The following SUCLG2 variants were observed in gnomAD, a reference collection of about 807,000 sequenced individuals.
SUCLG2 encodes succinate-CoA ligase GDP-forming subunit beta, also known as succinate--CoA ligase [GDP-forming] subunit beta, mitochondrial.
A neutral mutation model predicts 47.9 loss-of-function variants in SUCLG2; 42 were observed. The ratio of observed to expected loss-of-function variants is 0.88; its 90% CI spans 0.69 to 1.14. The LOEUF (loss-of-function observed/expected upper bound fraction) is 1.14, where lower values mean the gene tolerates loss of function less well. SUCLG2 is among the 50% of genes most tolerant of loss of function. The pLI is 0.00. For synonymous variants in SUCLG2, 195 were observed against 197.3 expected, an observed-to-expected ratio of 0.99 and a Z score of 0.10; for missense variants, 571 against 525.9, an observed-to-expected ratio of 1.09 and a Z score of -0.84.
At chr3:67,529,207 G>A (rs924650285) in intron 2 of SUCLG2, 21 bp from the exon 3 acceptor site, 3 of 1,574,304 alleles carry the variant, frequency 1.9e-6, no homozygotes, top group African/African-American at 1.4e-5. Flanking sequence ...AAAATCCAGA[G>A]TTGGTAGCTG....
intron 10 of SUCLG2, 130 bp downstream of exon 10, chr3:67,400,601 T>A: frequency 1.5e-6 from 2 of 1,310,686 alleles, no homozygotes; most frequent in African/African-American, 1.5e-5. Context: ...CCTGCCGTAC[T>A]GTGTTTGTTT....
chr3:67,542,618 A>G (rs764859509), intron 2 of SUCLG2, among the ~76,000 whole-genome samples: 30 of 152,180 alleles, frequency 2.0e-4, no homozygotes, highest in Non-Finnish European at 4.4e-4. Context: ...AAATAAAGGG[A>G]TGGAGGAATA....
At chr3:67,520,363 TCTTAC>T in intron 5 of SUCLG2, 114 bp downstream of exon 5, 1 of 1,446,374 alleles carries the variant, frequency 6.9e-7, no homozygotes, top group Non-Finnish European at 9.6e-7. Context: ...CTCAGCATCT[TCTTAC>T]CTTAAATTGT....
At chr3:67,421,085 C>T (rs1464520274) in intron 9 of SUCLG2, among the ~76,000 whole-genome samples, 1 of 152,176 alleles carries the variant, frequency 6.6e-6, no homozygotes, top group African/African-American at 2.4e-5. Context: ...CACTGGAGAT[C>T]ACAGAGGTTA....
At chr3:67,492,121 C>A (rs914232075) in intron 9 of SUCLG2, among the ~76,000 whole-genome samples, 10 of 152,160 alleles carry the variant, frequency 6.6e-5, no homozygotes, top group Admixed American at 5.9e-4. Context: ...GGATCTAAAC[C>A]AGGAAGTACA....
Position 67,616,850 on chromosome 3 carries a change from C to A in SUCLG2, c.85-7254G>T, listed in dbSNP as rs532340427. 3.3e-5 allele frequency among the ~76,000 whole-genome samples: 5 copies of A among 152,250 alleles called. 1 individual carries two copies. Among genetic ancestry groups the A allele is most frequent in the African/African-American group, 1.2e-4 (5 of 41,550 alleles). On this transcript the variant is annotated intron_variant, in intron 1 of 10. Coordinates refer to ENST00000307227, the MANE Select transcript of SUCLG2 (RefSeq NM_003848.4). Reference sequence around the variant, plus strand: ...TGTTAGATATGAAGAGGCTCTTAAACCTCACTTCGAGCTCTCAACAGCAGT... The same window carrying A: ...TGTTAGATATGAAGAGGCTCTTAAAACTCACTTCGAGCTCTCAACAGCAGT...
chr3:67,425,156 T>C (rs78324542), intron 9 of SUCLG2, among the ~76,000 whole-genome samples: 6 of 152,342 alleles, frequency 3.9e-5, no homozygotes, highest in Non-Finnish European at 8.8e-5. Flanking sequence ...ATTTACTTTG[T>C]TTTTCTAATT....
chr3:67,440,473 A>C (rs939013480), intron 9 of SUCLG2, among the ~76,000 whole-genome samples: 3 of 152,212 alleles, frequency 2.0e-5, no homozygotes, highest in African/African-American at 7.2e-5. Context: ...AAATTTTTGC[A>C]ATCTACCCAT....
chr3:67,579,017 T>A (rs2249072), intron 2 of SUCLG2, among the ~76,000 whole-genome samples: 146,393 of 152,298 alleles, frequency 0.96, 70,623 homozygotes, highest in East Asian at 1. Context: ...CTAGGATTTT[T>A]TACTGTTTTC....
chr3:67,473,205 G>A (rs2106991442), intron 9 of SUCLG2, among the ~76,000 whole-genome samples: 1 of 152,040 alleles, frequency 6.6e-6, no homozygotes, highest in South Asian at 2.1e-4. Context: ...TTGAGACAGG[G>A]TCTTACTCCA....
chr3:67,458,869 A>T (rs1704256951), intron 9 of SUCLG2, among the ~76,000 whole-genome samples: 1 of 152,220 alleles, frequency 6.6e-6, no homozygotes, highest in Non-Finnish European at 1.5e-5. Context: ...GGCAAATGTA[A>T]ATATTACCAT....
In SUCLG2 at chr3:67,423,415, G is replaced by A. The variant is rs116336582; in HGVS notation, c.1063-22564C>T. ...CATGAGAATGGACTAATACACCTAG[G>A]AATAATTTTATGCATTTCCATAAAA... On this transcript the variant is annotated intron_variant, in intron 9 of 10. Transcript: ENST00000307227. Among the ~76,000 whole-genome samples the A allele has an allele frequency of 5.0e-3, 759 of 152,174 alleles. 7 individuals are homozygous for A. The highest frequency in any genetic ancestry group is 0.018 in the African/African-American group (735 of 41,518).
chr3:67,539,195 T>A (rs1218984074), intron 2 of SUCLG2, among the ~76,000 whole-genome samples: 1 of 152,200 alleles, frequency 6.6e-6, no homozygotes, highest in Non-Finnish European at 1.5e-5. Context: ...GGCTGTGGGT[T>A]TTTCATAAAC....
intron 2 of SUCLG2, among the ~76,000 whole-genome samples, chr3:67,549,314 A>G (rs867463009): frequency 1.1e-4 from 16 of 152,308 alleles, no homozygotes; most frequent in Admixed American, 2.0e-4. Context: ...TACGCTATCA[A>G]TGTCACTGTC....
intron 1 of SUCLG2, among the ~76,000 whole-genome samples, chr3:67,620,411 C>T (rs146956417): frequency 0.024 from 3,712 of 151,946 alleles, 143 homozygotes; most frequent in African/African-American, 0.083. Context: ...ATGGTGAAAC[C>T]TTGTCTCTAC....
intron 1 of SUCLG2, among the ~76,000 whole-genome samples, chr3:67,625,312 C>A (rs1700807556): frequency 2.6e-5 from 4 of 152,154 alleles, no homozygotes; most frequent in Admixed American, 2.6e-4. Context: ...TTTATGCTAA[C>A]TGCAAATATC....
At chr3:67,510,148 C>T (rs1325594327) in intron 6 of SUCLG2, among the ~76,000 whole-genome samples, 1 of 152,140 alleles carries the variant, frequency 6.6e-6, no homozygotes, top group Non-Finnish European at 1.5e-5. Flanking sequence ...CTTTAGGTTG[C>T]CTTTCTGTCA....
rs1378569998 is a variant in SUCLG2 at position 67,645,837 on chromosome 3, A to T, written c.84+8666T>A. Among the ~76,000 whole-genome samples the T allele has an allele frequency of 4.0e-5, 6 of 151,534 alleles. No homozygotes were observed. In the East Asian group the frequency reaches 1.2e-3, roughly 30 times the overall value. Reference sequence around the variant, plus strand: ...GGTAGGAAAGGACTTACTAACTCAAATAAGTCCTTCAAGTCCAGATGGTAT... The same window carrying T: ...GGTAGGAAAGGACTTACTAACTCAATTAAGTCCTTCAAGTCCAGATGGTAT... On this transcript the variant is annotated intron_variant, in intron 1 of 10. Transcript: ENST00000307227.
At chr3:67,642,431 CT>C (rs1288782211) in intron 1 of SUCLG2, among the ~76,000 whole-genome samples, 2 of 151,916 alleles carry the variant, frequency 1.3e-5, no homozygotes, top group Non-Finnish European at 2.9e-5. Flanking sequence ...AAAGCAAGAC[CT>C]TGTCTCTACA....
Sources: allele counts gnomAD v4.1 joint callset (sites outside exome capture counted in the v4.1 genomes callset), GRCh38; gene constraint gnomAD v4.1.1; transcripts MANE v1.5; gene names NCBI Gene and HGNC (gene_info 2026-07-23, HGNC 2026-07-21).